Variants in PPFIA2 observed in about 807,000 individuals in gnomAD.
PPFIA2 encodes liprin-alpha-2.
Under a neutral mutation model 175.5 loss-of-function variants are expected in PPFIA2, and 46 were observed. The ratio of observed to expected loss-of-function variants is 0.26; its 90% CI spans 0.21 to 0.34. The LOEUF (loss-of-function observed/expected upper bound fraction) is 0.34. Ranked by LOEUF, PPFIA2 falls within the 10% of genes least tolerant of loss-of-function variation. The pLI is 1.00. For synonymous variants in PPFIA2, 568 were observed against 511.4 expected (o/e 1.11, Z -1.49); for missense variants, 1,179 against 1,506.1 (o/e 0.78, Z 3.60).
chr12:81,604,790 G>A (rs184215694), intron 4 of PPFIA2, among the ~76,000 whole-genome samples: 117 of 151,692 alleles, frequency 7.7e-4, no homozygotes, highest in Middle Eastern at 6.8e-3. Flanking sequence ...TTATGAAGTT[G>A]AGCTTCAGGA....
Position 81,351,865 on chromosome 12 carries a change from T to C in PPFIA2, c.1994+1254A>G, listed in dbSNP as rs530140424. 1.6e-4 allele frequency among the ~76,000 whole-genome samples: 24 copies of C among 152,014 alleles called. 1 individual carries two copies. The South Asian group carries it at 4.8e-3, about 30-fold the overall frequency. Reference sequence around the variant, plus strand: ...GGGCTGCAGTGAGCCAGATCTGAGTTATGGCACACTAGCCTGGGTAGCAGT... The same window carrying C: ...GGGCTGCAGTGAGCCAGATCTGAGTCATGGCACACTAGCCTGGGTAGCAGT... On this transcript the variant is annotated intron_variant, in intron 17 of 32. Transcript: ENST00000549396.
At chr12:81,466,065 C>T (rs1177091418) in intron 4 of PPFIA2, among the ~76,000 whole-genome samples, 1 of 152,092 alleles carries the variant, frequency 6.6e-6, no homozygotes, top group Non-Finnish European at 1.5e-5. Context: ...ACGGTCAGCC[C>T]TGGGCTAGAC....
chr12:81,730,948 T>C (rs1363316289), intron 3 of PPFIA2, among the ~76,000 whole-genome samples: 1 of 151,624 alleles, frequency 6.6e-6, no homozygotes, highest in Non-Finnish European at 1.5e-5. Context: ...TAGTACCCTT[T>C]ATAAAGAATG....
intron 7 of PPFIA2, among the ~76,000 whole-genome samples, chr12:81,432,508 C>T (rs1441154835): frequency 2.7e-5 from 4 of 150,164 alleles, no homozygotes; most frequent in South Asian, 2.1e-4. Flanking sequence ...CTCTGTCACC[C>T]AGGTTGGAGT....
At chr12:81,693,768 T>C (rs931631873) in intron 3 of PPFIA2, among the ~76,000 whole-genome samples, 1 of 152,132 alleles carries the variant, frequency 6.6e-6, no homozygotes, top group African/African-American at 2.4e-5. Context: ...TAAATGGCTG[T>C]GACTAAAATG....
At chr12:81,610,644 C>T (rs1255730880) in intron 4 of PPFIA2, among the ~76,000 whole-genome samples, 1 of 151,990 alleles carries the variant, frequency 6.6e-6, no homozygotes, top group Non-Finnish European at 1.5e-5. Flanking sequence ...TACTAGATTC[C>T]CTGGATTTTT....
chr12:81,352,773 T>C (rs1399375470), intron 17 of PPFIA2, among the ~76,000 whole-genome samples: 1 of 152,214 alleles, frequency 6.6e-6, no homozygotes, highest in African/African-American at 2.4e-5. Context: ...CCACACACAC[T>C]TTCCCTTTAA....
intron 3 of PPFIA2, among the ~76,000 whole-genome samples, chr12:81,677,507 C>T (rs1277583843): frequency 6.6e-6 from 1 of 151,866 alleles, no homozygotes; most frequent in African/African-American, 2.4e-5. Flanking sequence ...TCCCAACTAG[C>T]CTTCCCAGTC....
intron 8 of PPFIA2, among the ~76,000 whole-genome samples, chr12:81,387,167 G>GA (rs1231231153): frequency 1.2e-4 from 18 of 149,882 alleles, no homozygotes; most frequent in South Asian, 4.2e-4. Flanking sequence ...CTTTCTCGGG[G>GA]AAAAAAAAAT....
At chr12:81,485,748 T>C (rs575789098) in intron 4 of PPFIA2, among the ~76,000 whole-genome samples, 1 of 152,012 alleles carries the variant, frequency 6.6e-6, no homozygotes, top group South Asian at 2.1e-4. Flanking sequence ...GACGATAAAA[T>C]GTAAATTTTT....
At chr12:81,572,514 A>G (rs2153415726) in intron 4 of PPFIA2, among the ~76,000 whole-genome samples, 1 of 152,132 alleles carries the variant, frequency 6.6e-6, no homozygotes, top group African/African-American at 2.4e-5. Context: ...TGTATACTCA[A>G]TGCCAAAAAC....
rs987990082 is a variant in PPFIA2 at position 81,589,581 on chromosome 12, A to G, written c.303+87210T>C. 2.6e-5 allele frequency among the ~76,000 whole-genome samples: 4 copies of G among 152,268 alleles called. 1 individual carries two copies. Among genetic ancestry groups the G allele is most frequent in the Admixed American group, 2.6e-4 (4 of 15,264 alleles). On this transcript the variant is annotated intron_variant, in intron 4 of 32. Transcript: ENST00000549396. ...TCTGTAAATGTCTGCCCTAATAGGT[A>G]AACAGTATTGGAAATTACATAGTTT...
intron 11 of PPFIA2, 160 bp from the exon 12 acceptor site, chr12:81,369,354 GA>G: frequency 1.4e-6 from 2 of 1,478,702 alleles, no homozygotes; most frequent in Non-Finnish European, 1.8e-6. Context: ...AGCATTGCTT[GA>G]AATGTGTCAG....
intron 4 of PPFIA2, among the ~76,000 whole-genome samples, chr12:81,628,505 T>C: frequency 6.6e-6 from 1 of 151,302 alleles, no homozygotes; most frequent in East Asian, 2.0e-4. Context: ...GCCTCCTAAG[T>C]AGCTGGGACT....
At chr12:81,421,892 G>C (rs1027767051) in intron 7 of PPFIA2, among the ~76,000 whole-genome samples, 1 of 151,788 alleles carries the variant, frequency 6.6e-6, no homozygotes, top group South Asian at 2.1e-4. Context: ...CCAAAAGAAA[G>C]CTAGGGGTAG....
intron 5 of PPFIA2, among the ~76,000 whole-genome samples, chr12:81,454,841 T>C (rs987549974): frequency 1.3e-5 from 2 of 152,136 alleles, no homozygotes; most frequent in Non-Finnish European, 2.9e-5. Context: ...TTTTCTTTTA[T>C]ATATTTATTT....
chr12:81,337,489 G>A (rs1278938650), intron 21 of PPFIA2, among the ~76,000 whole-genome samples: 1 of 151,996 alleles, frequency 6.6e-6, no homozygotes, highest in Admixed American at 6.6e-5. Context: ...AGTAATAAAG[G>A]CTAAGTTTCT....
intron 4 of PPFIA2, among the ~76,000 whole-genome samples, chr12:81,592,851 G>A (rs575746967): frequency 2.0e-5 from 3 of 151,442 alleles, no homozygotes; most frequent in Non-Finnish European, 2.9e-5. Context: ...TGCATCCCAG[G>A]CTCAAGTGAT....
intron 22 of PPFIA2, among the ~76,000 whole-genome samples, chr12:81,309,137 A>C (rs1199719834): frequency 6.6e-6 from 1 of 152,188 alleles, no homozygotes; most frequent in Non-Finnish European, 1.5e-5. Flanking sequence ...TGTAAAATGT[A>C]TATTGTTTCA....
Sources: gnomAD v4.1 joint callset for allele counts (sites outside exome capture counted in the v4.1 genomes callset) on GRCh38, gnomAD v4.1.1 for gene constraint, MANE v1.5 for transcripts, NCBI Gene and HGNC (gene_info 2026-07-23, HGNC 2026-07-21) for gene names.